DNAAF4: variants seen among roughly 807,000 people sequenced by gnomAD.
The protein encoded by DNAAF4 is dynein axonemal assembly factor 4.
A neutral mutation model predicts 51.8 loss-of-function variants in DNAAF4; 43 were observed. The observed-to-expected ratio is 0.83, with a 90% CI of 0.65 to 1.07. The LOEUF is 1.07. Among genes scored for constraint, DNAAF4 ranks in the 50% least tolerant of loss-of-function variants. The probability of loss-of-function intolerance (pLI) is 0.00; values close to 1 mark genes in which losing one functional copy is unlikely to be tolerated. For missense variants in DNAAF4, 581 were observed against 493.0 expected, an observed-to-expected ratio of 1.18 and a Z score of -1.69; for synonymous variants, 194 against 165.6, an observed-to-expected ratio of 1.17 and a Z score of -1.32.
chr15:55,490,879 G>A (rs62019995), intron 4 of DNAAF4: 10 of 307,188 alleles, frequency 3.3e-5, no homozygotes, highest in East Asian at 1.7e-4. Context: ...GCATGAACCC[G>A]GGAAGTGGAG....
At chr15:55,450,101 A>G (rs1358268586) in intron 6 of DNAAF4, 121 bp downstream of exon 6, 14 of 1,122,542 alleles carry the variant, frequency 1.2e-5, no homozygotes, top group Non-Finnish European at 1.7e-5. Flanking sequence ...CATATTCATG[A>G]CGTTATTTCT....
intron 6 of DNAAF4, among the ~76,000 whole-genome samples, chr15:55,441,617 A>G (rs1316008997): frequency 4.7e-5 from 7 of 148,844 alleles, no homozygotes; most frequent in Non-Finnish European, 1.0e-4. Flanking sequence ...CCTGTGTCCA[A>G]GTGTTCTCAT....
At chr15:55,425,479 CT>C (rs1481344218), downstream of DNAAF4, among the ~76,000 whole-genome samples, 2 of 152,118 alleles carry the variant, frequency 1.3e-5, no homozygotes, top group African/African-American at 4.8e-5. Flanking sequence ...GAGCCTAGTT[CT>C]TTTTCATTTT....
intron 6 of DNAAF4, among the ~76,000 whole-genome samples, chr15:55,448,517 AGGGTGT>A (rs2057875953): frequency 3.1e-5 from 1 of 32,256 alleles, no homozygotes; most frequent in African/African-American, 9.1e-5. Flanking sequence ...AAAAAAAAAA[AGGGTGT>A]GTGTGTGTGT....
chr15:55,503,153 G>A (rs376786771), intron 1 of DNAAF4, among the ~76,000 whole-genome samples: 1 of 151,132 alleles, frequency 6.6e-6, no homozygotes, highest in Non-Finnish European at 1.5e-5. Flanking sequence ...ACACCTCTAC[G>A]CAAATAAACT....
At chr15:55,485,887 C>T (rs1352446814) in intron 4 of DNAAF4, among the ~76,000 whole-genome samples, 2 of 148,528 alleles carry the variant, frequency 1.3e-5, no homozygotes, top group African/African-American at 2.5e-5. Context: ...CGCAGCTACT[C>T]GGGAAACTTA....
Position 55,439,468 on chromosome 15 carries a change from T to A in DNAAF4, c.893+4A>T. ...AGCTCATGATCAGAGTTCAAACAAC[T>A]TACTTTCCTTTATCCTTCAACCATT... On this transcript the variant is annotated splice_donor_region_variant and intron_variant, in intron 7 of 9. Transcript: ENST00000321149. 6.2e-7 allele frequency: 1 copy of A among 1,609,728 alleles called. No individual in the cohort carries two copies. Among genetic ancestry groups the A allele is most frequent in the Non-Finnish European group, 8.5e-7 (1 of 1,176,244 alleles).
intron 9 of DNAAF4, among the ~76,000 whole-genome samples, chr15:55,431,738 A>C (rs1468440095): frequency 6.6e-6 from 1 of 151,544 alleles, no homozygotes; most frequent in Non-Finnish European, 1.5e-5. Context: ...TCGGCCTCCC[A>C]AAGTGCTGAG....
At chr15:55,505,881 C>T (rs2058724799) in intron 1 of DNAAF4, among the ~76,000 whole-genome samples, 1 of 152,120 alleles carries the variant, frequency 6.6e-6, no homozygotes, top group African/African-American at 2.4e-5. Flanking sequence ...CAAACCTGCA[C>T]GTTGTGCACA....
chr15:55,467,235 A>G, intron 4 of DNAAF4, 74 bp from the exon 5 acceptor site: 1 of 1,295,124 alleles, frequency 7.7e-7, no homozygotes, highest in South Asian at 1.4e-5. Flanking sequence ...AATTCATTAC[A>G]ATAATTAGTT....
downstream of DNAAF4, among the ~76,000 whole-genome samples, chr15:55,427,720 C>T (rs1031149623): frequency 1.3e-5 from 2 of 151,544 alleles, no homozygotes; most frequent in Non-Finnish European, 2.9e-5. Flanking sequence ...ACCGCAACCT[C>T]CGCCTCCCGG....
At chr15:55,443,325 C>G (rs549836822) in intron 6 of DNAAF4, 2 of 1,060,596 alleles carry the variant, frequency 1.9e-6, no homozygotes, top group Non-Finnish European at 2.8e-6. Flanking sequence ...GGGCCCCCAG[C>G]GTGCGGAGGC....
intron 7 of DNAAF4, among the ~76,000 whole-genome samples, chr15:55,436,102 T>C (rs2057605400): frequency 6.6e-6 from 1 of 152,168 alleles, no homozygotes; most frequent in Non-Finnish European, 1.5e-5. Flanking sequence ...TTTTACTTTT[T>C]TGGGAACCAC....
At chr15:55,488,436 T>C (rs2058523124) in intron 4 of DNAAF4, among the ~76,000 whole-genome samples, 1 of 152,260 alleles carries the variant, frequency 6.6e-6, no homozygotes, top group Admixed American at 6.5e-5. Context: ...TCTTACTGGA[T>C]CGTCAAAGTT....
downstream of DNAAF4, among the ~76,000 whole-genome samples, chr15:55,428,905 T>C (rs1290684681): frequency 1.3e-5 from 2 of 152,082 alleles, no homozygotes; most frequent in Non-Finnish European, 2.9e-5. Context: ...GAGTCACTGA[T>C]AAAGGCCAAT....
chr15:55,499,362 G>C (rs1344484393), intron 1 of DNAAF4, among the ~76,000 whole-genome samples: 4 of 152,190 alleles, frequency 2.6e-5, no homozygotes, highest in Non-Finnish European at 4.4e-5. Context: ...TCAGAACTAA[G>C]TGCGGTTCAA....
intron 4 of DNAAF4, among the ~76,000 whole-genome samples, chr15:55,487,794 G>A (rs1369595918): frequency 1.3e-5 from 2 of 152,150 alleles, no homozygotes; most frequent in African/African-American, 4.8e-5. Flanking sequence ...TATTATTTCT[G>A]ACCAATAAAT....
intron 4 of DNAAF4, among the ~76,000 whole-genome samples, chr15:55,473,398 A>C (rs1048417175): frequency 1.8e-4 from 27 of 148,236 alleles, no homozygotes; most frequent in African/African-American, 6.4e-4. Context: ...AACTTAACCT[A>C]GAAAAATATT....
At chr15:55,431,203 G>A (rs758988705) in intron 9 of DNAAF4, among the ~76,000 whole-genome samples, 4 of 151,896 alleles carry the variant, frequency 2.6e-5, no homozygotes, top group African/African-American at 4.8e-5. Context: ...GTGAGCCACC[G>A]TGCCCGGCCC....
Sources: allele counts gnomAD v4.1 joint callset (sites outside exome capture counted in the v4.1 genomes callset), GRCh38; gene constraint gnomAD v4.1.1; transcripts MANE v1.5; gene names NCBI Gene and HGNC (gene_info 2026-07-23, HGNC 2026-07-21).